TLN2: variants seen among roughly 807,000 people sequenced by gnomAD.
TLN2 encodes talin-2.
In TLN2, 118 loss-of-function variants were observed where a neutral mutation model predicts 294.7. The observed-to-expected ratio is 0.40, with a 90% CI of 0.34 to 0.47. The LOEUF (loss-of-function observed/expected upper bound fraction) is 0.47. TLN2 is among the 20% of genes least tolerant of loss of function. The pLI is 0.84. For synonymous variants in TLN2, 1,431 were observed against 1,304.5 expected (o/e 1.10, Z -2.09); for missense variants, 3,083 against 3,282.2 (o/e 0.94, Z 1.48).
chr15:62,620,071 G>A (rs544471076), intron 3 of TLN2, among the ~76,000 whole-genome samples: 2 of 152,226 alleles, frequency 1.3e-5, no homozygotes, highest in Admixed American at 1.3e-4. Context: ...AAACTCTTAG[G>A]CTCAAGCAAT....
chr15:62,492,435 T>C (rs1170449807), intron 1 of TLN2, among the ~76,000 whole-genome samples: 2 of 151,438 alleles, frequency 1.3e-5, no homozygotes, highest in Admixed American at 6.6e-5. Flanking sequence ...TGGGAGTGCC[T>C]GTAATCTCAG....
At chr15:62,698,159 C>G (rs1329912940) in intron 15 of TLN2, among the ~76,000 whole-genome samples, 1 of 152,150 alleles carries the variant, frequency 6.6e-6, no homozygotes, top group African/African-American at 2.4e-5. Context: ...GCCAGATACC[C>G]CTAGGAAAGT....
chr15:62,587,881 A>G (rs908864729), intron 1 of TLN2, among the ~76,000 whole-genome samples: 1 of 152,082 alleles, frequency 6.6e-6, no homozygotes, highest in Middle Eastern at 3.2e-3. Flanking sequence ...CCACTTTCTA[A>G]AATTACTTTT....
chr15:62,762,476 GC>G, intron 39 of TLN2, 23 bp downstream of exon 39: 1 of 1,609,900 alleles, frequency 6.2e-7, no homozygotes, highest in South Asian at 1.1e-5. Context: ...TCCGGAGGTT[GC>G]TGCCAGCCTG....
At chr15:62,476,785 A>G (rs2037805570) in intron 1 of TLN2, among the ~76,000 whole-genome samples, 3 of 152,192 alleles carry the variant, frequency 2.0e-5, no homozygotes, top group Admixed American at 2.0e-4. Flanking sequence ...ATGGTGGCAG[A>G]TGCAGATGCC....
intron 1 of TLN2, among the ~76,000 whole-genome samples, chr15:62,454,072 C>T (rs552569514): frequency 9.2e-5 from 14 of 152,318 alleles, no homozygotes; most frequent in South Asian, 2.1e-4. Flanking sequence ...GACGGGCACA[C>T]GCTATGCTCC....
intron 10 of TLN2, 89 bp from the exon 11 acceptor site, chr15:62,675,128 A>G: frequency 8.3e-7 from 1 of 1,210,368 alleles, no homozygotes; most frequent in Non-Finnish European, 1.2e-6. Context: ...CTAGCCATTT[A>G]TCTCCACCAC....
At chr15:62,679,567 G>A (rs1183026596) in intron 11 of TLN2, among the ~76,000 whole-genome samples, 1 of 152,100 alleles carries the variant, frequency 6.6e-6, no homozygotes, top group Non-Finnish European at 1.5e-5. Context: ...GAAGAGGCAA[G>A]TCTATAGAGA....
intron 31 of TLN2, 125 bp from the exon 32 acceptor site, chr15:62,740,505 A>G: frequency 3.9e-6 from 5 of 1,288,126 alleles, no homozygotes; most frequent in Non-Finnish European, 4.3e-6. Flanking sequence ...CTGCGGGCTA[A>G]CTGGGTTTAA....
rs1413652346 is a variant in TLN2, at chr15:62,753,867, T to C, written c.4427T>C (p.Ile1476Thr). 1 of 1,610,728 alleles carries C rather than the reference T, an allele frequency of 6.2e-7. No homozygotes were observed. Among genetic ancestry groups the C allele is most frequent in the Non-Finnish European group, 8.5e-7 (1 of 1,178,644 alleles). ...CAGTTTGCCAGGGCTAACCAGGCCA[T>C]CCAGATGGCATGCCAGAACTTGGTG... ...PIQFARANQA[I>T]QMACQNLVDP... Residue 1476 changes from isoleucine to threonine, a missense_variant, in exon 36 of 59, where the codon ATC (isoleucine) becomes ACC (threonine). Coordinates refer to ENST00000636159, the MANE Select transcript of TLN2 (RefSeq NM_015059.3).
intron 51 of TLN2, among the ~76,000 whole-genome samples, chr15:62,808,899 G>T (rs539611176): frequency 2.0e-5 from 3 of 152,222 alleles, no homozygotes; most frequent in African/African-American, 7.2e-5. Flanking sequence ...GTAAGTCAAG[G>T]GGGGAGCCCA....
chr15:62,645,837 A>AACTACTATAGCT (rs1318463215), intron 3 of TLN2, among the ~76,000 whole-genome samples: 4 of 152,258 alleles, frequency 2.6e-5, no homozygotes, highest in African/African-American at 9.6e-5. Context: ...ATTAGCTACT[A>AACTACTATAGCT]ACTATAAAGG....
At chr15:62,621,799 C>G (rs1006989871) in intron 3 of TLN2, among the ~76,000 whole-genome samples, 5 of 152,142 alleles carry the variant, frequency 3.3e-5, no homozygotes, top group Admixed American at 3.3e-4. Flanking sequence ...TTACTAGTAG[C>G]TCTTGCATTA....
chr15:62,586,639 A>G (rs1211821803), intron 1 of TLN2, among the ~76,000 whole-genome samples: 2 of 152,232 alleles, frequency 1.3e-5, no homozygotes, highest in African/African-American at 2.4e-5. Context: ...AGAAAACATT[A>G]TTTCATATAT....
intron 1 of TLN2, among the ~76,000 whole-genome samples, chr15:62,575,204 T>G (rs1159578364): frequency 2.0e-5 from 3 of 152,194 alleles, no homozygotes; most frequent in South Asian, 2.1e-4. Flanking sequence ...TCCCAGCTAC[T>G]TGGGAGGCTG....
chr15:62,424,276 G>A (rs941526573), intron 1 of TLN2, among the ~76,000 whole-genome samples: 3 of 152,164 alleles, frequency 2.0e-5, no homozygotes, highest in East Asian at 1.9e-4. Flanking sequence ...TGTACCCTAC[G>A]CTCCCTTTGA....
chr15:62,580,944 C>T (rs1026290372), intron 1 of TLN2, among the ~76,000 whole-genome samples: 1 of 148,758 alleles, frequency 6.7e-6, no homozygotes, highest in Non-Finnish European at 1.5e-5. Flanking sequence ...AGTGCAATGA[C>T]AGGATCTCGG....
In TLN2 at chr15:62,820,507, A is replaced by G; in HGVS notation, c.6899A>G (p.Glu2300Gly). 1 of 1,613,866 alleles carries G rather than the reference A, an allele frequency of 6.2e-7. No homozygotes were observed. Among genetic ancestry groups the G allele is most frequent in the South Asian group, 1.1e-5 (1 of 91,050 alleles). Residue 2300 changes from glutamate (E) to glycine (G), a missense_variant, in exon 54 of 59, where the codon GAA becomes GGA. Transcript: ENST00000636159. ...AMKGTEWVDP[E>G]DPTVIAETEL... is the part of the protein sequence containing the mutation. ...CTAGGAACAGAGTGGGTGGATCCAG[A>G]AGACCCAACTGTCATTGCAGAAACA...
chr15:62,739,366 C>T lies in TLN2; in HGVS notation c.3706C>T (p.Pro1236Ser). ...LVDSLPPSTK[P>S]FQEAQSELNQ... ...CCCACAGCTACCTCCAAGCACGAAG[C>T]CTTTCCAGGAAGCCCAGAGTGAACT... Residue 1236 changes from proline (P) to serine (S), a missense_variant, in exon 31 of 59, where the codon CCT (proline) becomes TCT (serine). Physicochemically the swap from Pro to Ser is moderately conservative, Grantham distance 74 (BLOSUM62 -1). Coordinates refer to ENST00000636159, the MANE Select transcript of TLN2 (RefSeq NM_015059.3). 6.2e-7 allele frequency: 1 copy of T among 1,613,730 alleles called. No homozygotes were observed. The highest frequency in any genetic ancestry group is 1.7e-4 in the Middle Eastern group (1 of 5,970).
Sources: gnomAD v4.1 joint callset for allele counts (sites outside exome capture counted in the v4.1 genomes callset) on GRCh38, gnomAD v4.1.1 for gene constraint, MANE v1.5 for transcripts, NCBI Gene and HGNC (gene_info 2026-07-23, HGNC 2026-07-21) for gene names.